Variants in AKAP7 observed in about 807,000 individuals in gnomAD.
The protein encoded by AKAP7 is A kinase (PRKA) anchor protein 7.
Under a neutral mutation model 39.5 loss-of-function variants are expected in AKAP7, and 39 were observed. The ratio of observed to expected loss-of-function variants is 0.99; its 90% CI spans 0.76 to 1.29. The LOEUF is 1.29. Among genes scored for constraint, AKAP7 ranks in the 50% most tolerant of loss-of-function variants. The pLI is 0.00. For missense variants in AKAP7, 414 were observed against 407.7 expected (o/e 1.02, Z -0.13); for synonymous variants, 140 against 139.1 (o/e 1.01, Z -0.05).
chr6:131,166,568 T>C (rs1217209279), intron 4 of AKAP7, among the ~76,000 whole-genome samples: 5 of 152,210 alleles, frequency 3.3e-5, no homozygotes, highest in Non-Finnish European at 7.3e-5. Flanking sequence ...TGTCGTAGTC[T>C]CAAGACCTCA....
At chr6:131,187,721 G>T (rs1806008710) in intron 5 of AKAP7, among the ~76,000 whole-genome samples, 1 of 152,152 alleles carries the variant, frequency 6.6e-6, no homozygotes, top group Non-Finnish European at 1.5e-5. Flanking sequence ...TGAAAAAAAA[G>T]TGTGATGTAC....
intron 3 of AKAP7, among the ~76,000 whole-genome samples, chr6:131,160,996 A>T (rs79793583): frequency 2.0e-5 from 3 of 151,920 alleles, no homozygotes; most frequent in Admixed American, 6.5e-5. Flanking sequence ...CTTTGGCCCA[A>T]TTACGAGCCA....
chr6:131,154,878 A>G (rs966140826), intron 2 of AKAP7, among the ~76,000 whole-genome samples: 1 of 151,984 alleles, frequency 6.6e-6, no homozygotes, highest in Middle Eastern at 3.2e-3. Flanking sequence ...GTGTGTGTTT[A>G]TTGTTGAAGA....
chr6:131,176,636 G>A (rs553265870), intron 5 of AKAP7, among the ~76,000 whole-genome samples: 2 of 152,150 alleles, frequency 1.3e-5, no homozygotes, highest in South Asian at 4.2e-4. Flanking sequence ...AAAATGAAAG[G>A]TTTTTAGAAT....
chr6:131,241,164 A>G (rs1392814033), intron 7 of AKAP7, among the ~76,000 whole-genome samples: 2 of 152,176 alleles, frequency 1.3e-5, no homozygotes, highest in Non-Finnish European at 2.9e-5. Context: ...CTGCTGGTAC[A>G]GTATAAGCAC....
At chr6:131,210,537 C>G (rs1471042672) in intron 6 of AKAP7, among the ~76,000 whole-genome samples, 1 of 152,218 alleles carries the variant, frequency 6.6e-6, no homozygotes, top group Non-Finnish European at 1.5e-5. Context: ...GGAGATCCAT[C>G]TTTAAGGCCT....
chr6:131,241,575 A>G (rs1409867627), intron 7 of AKAP7, among the ~76,000 whole-genome samples: 28 of 63,870 alleles, frequency 4.4e-4, no homozygotes, highest in African/African-American at 1.7e-3. Context: ...TAGATTATAT[A>G]TATGTGTGTG....
At chr6:131,185,400 G>T in intron 5 of AKAP7, 1 of 515,014 alleles carries the variant, frequency 1.9e-6, no homozygotes, top group Non-Finnish European at 3.7e-6. Context: ...GCACAGAGGT[G>T]GGCATTGTAA....
chr6:131,251,547 A>C (rs1333132914), intron 7 of AKAP7, among the ~76,000 whole-genome samples: 1 of 145,970 alleles, frequency 6.9e-6, no homozygotes, highest in Non-Finnish European at 1.5e-5. Flanking sequence ...CTTGTTCTTC[A>C]GGAAACTAGC....
At chr6:131,236,136 T>C (rs1214352080) in intron 7 of AKAP7, among the ~76,000 whole-genome samples, 1 of 152,146 alleles carries the variant, frequency 6.6e-6, no homozygotes, top group Non-Finnish European at 1.5e-5. Context: ...TAGCCAGTTT[T>C]CCCAGCACCA....
intron 1 of AKAP7, among the ~76,000 whole-genome samples, chr6:131,142,754 C>T (rs988840162): frequency 1.3e-5 from 2 of 152,234 alleles, no homozygotes; most frequent in African/African-American, 4.8e-5. Context: ...TGGCAGCTTA[C>T]ACCCTGAGCT....
At chr6:131,230,563 T>A (rs1810545591) in intron 7 of AKAP7, among the ~76,000 whole-genome samples, 1 of 152,182 alleles carries the variant, frequency 6.6e-6, no homozygotes, top group South Asian at 2.1e-4. Flanking sequence ...CTGTTGATAG[T>A]TTTTGCTGTG....
rs546662423 is a variant in AKAP7, at chr6:131,249,656, T to C, written c.850+29848T>C. 3.0e-4 allele frequency among the ~76,000 whole-genome samples: 45 copies of C among 152,244 alleles called. No individual in the cohort carries two copies. In the South Asian group the frequency reaches 7.1e-3, roughly 24 times the overall value. ...ACAGATTTTGAACAATTACATGAAATCTGTTATTTCATGTAATAGAGTTCA... is the reference window on the plus strand; with the variant it reads ...ACAGATTTTGAACAATTACATGAAACCTGTTATTTCATGTAATAGAGTTCA... On this transcript the variant is annotated intron_variant, in intron 7 of 7. Transcript: ENST00000431975.
At chr6:131,273,010 G>A (rs1005128887) in intron 7 of AKAP7, among the ~76,000 whole-genome samples, 2 of 151,996 alleles carry the variant, frequency 1.3e-5, no homozygotes, top group African/African-American at 4.8e-5. Context: ...GTGCTTTGAT[G>A]CTCTTGTTAA....
chr6:131,149,223 T>C (rs758813581), intron 2 of AKAP7, among the ~76,000 whole-genome samples: 23 of 152,246 alleles, frequency 1.5e-4, no homozygotes, highest in Non-Finnish European at 2.5e-4. Context: ...ATTAGGGTTA[T>C]AGTTTAGAAT....
intron 5 of AKAP7, among the ~76,000 whole-genome samples, chr6:131,198,742 C>T (rs556135092): frequency 6.6e-6 from 1 of 152,246 alleles, no homozygotes; most frequent in South Asian, 2.1e-4. Context: ...CTCACCTTTT[C>T]TTGTTAAAGT....
intron 7 of AKAP7, among the ~76,000 whole-genome samples, chr6:131,274,016 CTTTTCT>C (rs1467976372): frequency 6.6e-6 from 1 of 151,136 alleles, no homozygotes; most frequent in Admixed American, 6.6e-5. Context: ...CTCAGCTCAC[CTTTTCT>C]TTTTCTTTTA....
intron 2 of AKAP7, among the ~76,000 whole-genome samples, chr6:131,152,719 T>G (rs915789194): frequency 6.7e-6 from 1 of 149,078 alleles, no homozygotes; most frequent in Non-Finnish European, 1.5e-5. Context: ...CCCAGCTGTT[T>G]GGGAGGCTGA....
chr6:131,179,063 C>T (rs1017717522), intron 5 of AKAP7, among the ~76,000 whole-genome samples: 4 of 152,168 alleles, frequency 2.6e-5, no homozygotes, highest in African/African-American at 9.7e-5. Flanking sequence ...GAGTCCCTGC[C>T]CACTGTGAGT....
Sources: allele counts gnomAD v4.1 joint callset (sites outside exome capture counted in the v4.1 genomes callset), GRCh38; gene constraint gnomAD v4.1.1; transcripts MANE v1.5; gene names NCBI Gene and HGNC (gene_info 2026-07-23, HGNC 2026-07-21).